The following NTM variants were observed in gnomAD, a reference collection of about 807,000 sequenced individuals.
NTM encodes IgLON family member 2.
A neutral mutation model predicts 42.1 loss-of-function variants in NTM; 13 were observed. That is an observed-to-expected ratio of 0.31 (90% confidence interval 0.20 to 0.49). The LOEUF (loss-of-function observed/expected upper bound fraction) is 0.49. Ranked by LOEUF, NTM falls within the 20% of genes least tolerant of loss-of-function variation. NTM has a pLI of 0.99. For synonymous variants in NTM, 187 were observed against 179.2 expected (o/e 1.04, Z -0.35); for missense variants, 373 against 452.8 (o/e 0.82, Z 1.60).
chr11:132,093,922 C>T (rs10750495), intron 2 of NTM, among the ~76,000 whole-genome samples: 1 of 152,090 alleles, frequency 6.6e-6, no homozygotes. Context: ...CAATTAAATC[C>T]GGTAGTTTCC....
intron 1 of NTM, among the ~76,000 whole-genome samples, chr11:131,772,761 T>C (rs914578158): frequency 1.3e-5 from 2 of 152,212 alleles, no homozygotes; most frequent in South Asian, 2.1e-4. Flanking sequence ...TGCTTTAAGA[T>C]GTTAAATTGG....
chr11:132,237,551 GT>G (rs2089263168), intron 4 of NTM, among the ~76,000 whole-genome samples: 1 of 152,150 alleles, frequency 6.6e-6, no homozygotes, highest in African/African-American at 2.4e-5. Flanking sequence ...TTTTCAGCCC[GT>G]TTGTGGACAT....
chr11:131,520,139 A>G (rs1405647891), intron 1 of NTM, among the ~76,000 whole-genome samples: 1 of 152,246 alleles, frequency 6.6e-6, no homozygotes, highest in Non-Finnish European at 1.5e-5. Flanking sequence ...TCCAGATAAT[A>G]AAACATCACA....
At chr11:132,015,486 ATGGTGGT>A (rs1404524183) in intron 2 of NTM, among the ~76,000 whole-genome samples, 1 of 151,718 alleles carries the variant, frequency 6.6e-6, no homozygotes, top group Non-Finnish European at 1.5e-5. Flanking sequence ...TTTGGGTAGT[ATGGTGGT>A]TTTAACAGTT....
chr11:131,430,420 C>T (rs930112624), intron 1 of NTM, among the ~76,000 whole-genome samples: 2 of 152,092 alleles, frequency 1.3e-5, no homozygotes, highest in African/African-American at 4.8e-5. Context: ...GCTGTGATGG[C>T]CACACATCTG....
At chr11:131,657,573 A>G (rs978441117) in intron 1 of NTM, among the ~76,000 whole-genome samples, 1 of 152,160 alleles carries the variant, frequency 6.6e-6, no homozygotes, top group East Asian at 1.9e-4. Flanking sequence ...AGAACACCCC[A>G]TGCCTACCTC....
chr11:132,034,033 G>A (rs1414862426), intron 2 of NTM, among the ~76,000 whole-genome samples: 1 of 152,072 alleles, frequency 6.6e-6, no homozygotes, highest in Non-Finnish European at 1.5e-5. Context: ...CCTTAAGATG[G>A]TCTTATAGTT....
intron 1 of NTM, among the ~76,000 whole-genome samples, chr11:131,863,715 A>T (rs1277334503): frequency 6.6e-6 from 1 of 152,200 alleles, no homozygotes; most frequent in Non-Finnish European, 1.5e-5. Context: ...GCACAGACTC[A>T]GGTCCCTCCC....
chr11:131,971,446 T>C (rs1219081590), intron 2 of NTM, among the ~76,000 whole-genome samples: 2 of 152,206 alleles, frequency 1.3e-5, no homozygotes, highest in African/African-American at 2.4e-5. Context: ...ATGCTTGGTA[T>C]ATTCAAGATG....
rs2070074801 is a variant in NTM, at chr11:132,003,945, G to C, written c.167+92297G>C. 6.6e-6 allele frequency among the ~76,000 whole-genome samples: 1 copy of C among 152,190 alleles called. No homozygotes were observed. The highest frequency in any genetic ancestry group is 1.5e-5 in the Non-Finnish European group (1 of 68,028). The stretch of plus-strand genomic sequence containing the variant: ...GATGGCCCAGAGCCCCATCCTCATT[G>C]TTCAGGTTTCATCGTCTCCTTAATC... On this transcript the variant is annotated intron_variant, in intron 2 of 8. Coordinates refer to ENST00000683400, the MANE Select transcript of NTM (RefSeq NM_001352005.2). The surrounding 1 kb of genome is among the most constrained non-coding windows in gnomAD (Gnocchi z 6.0).
At chr11:132,194,122 C>T (rs1388581270) in intron 3 of NTM, among the ~76,000 whole-genome samples, 1 of 127,528 alleles carries the variant, frequency 7.8e-6, no homozygotes, top group Admixed American at 8.2e-5. Flanking sequence ...ATGAAGCCAG[C>T]ATTATAAAGA....
chr11:131,468,538 T>G (rs1952113901), intron 1 of NTM, among the ~76,000 whole-genome samples: 1 of 152,254 alleles, frequency 6.6e-6, no homozygotes, highest in South Asian at 2.1e-4. Context: ...TGCTTTGGTT[T>G]TTTTGTGAGT....
intron 6 of NTM, among the ~76,000 whole-genome samples, chr11:132,310,599 G>GAGTT (rs1419384443): frequency 6.6e-6 from 1 of 152,112 alleles, no homozygotes; most frequent in African/African-American, 2.4e-5. Flanking sequence ...TTGCGTAAAG[G>GAGTT]AGTTAGGAAG....
intron 7 of NTM, among the ~76,000 whole-genome samples, chr11:132,320,273 T>C (rs2095530797): frequency 6.6e-6 from 1 of 152,164 alleles, no homozygotes; most frequent in African/African-American, 2.4e-5. Flanking sequence ...ACTGGGTTCA[T>C]CTCATTAAGG....
intron 4 of NTM, among the ~76,000 whole-genome samples, chr11:132,280,475 CTTTTTTTTTTTTT>C (rs138697534): frequency 2.1e-4 from 17 of 82,426 alleles, no homozygotes; most frequent in African/African-American, 2.6e-4. Context: ...ATACTCTCTT[CTTTTTTTTTTTTT>C]TTTTTTTTTT....
intron 2 of NTM, among the ~76,000 whole-genome samples, chr11:131,913,504 C>G (rs532469929): frequency 6.6e-6 from 1 of 152,176 alleles, no homozygotes; most frequent in African/African-American, 2.4e-5. Context: ...TCAGCAGAGG[C>G]TGAATCACGG....
At chr11:132,049,849 G>A (rs2078603773) in intron 2 of NTM, among the ~76,000 whole-genome samples, 1 of 152,178 alleles carries the variant, frequency 6.6e-6, no homozygotes, top group African/African-American at 2.4e-5. Flanking sequence ...CTGATTTGAT[G>A]GAGGAGGAGC....
chr11:131,595,826 C>T lies in NTM; in HGVS notation c.82+224938C>T, dbSNP rs367726033. Among the ~76,000 whole-genome samples the T allele has an allele frequency of 4.0e-4, 61 of 152,342 alleles. 1 individual carries two copies. The highest frequency in any genetic ancestry group is 1.4e-3 in the African/African-American group (60 of 41,580). On this transcript the variant is annotated intron_variant, in intron 1 of 8. Coordinates refer to ENST00000683400, the MANE Select transcript of NTM (RefSeq NM_001352005.2). ...AGACCTCAAAAGCAAACCTTAAATA[C>T]TTCAGAGCAGATTCAGGGACAGCTA...
At chr11:131,583,747 C>A (rs746361410) in intron 1 of NTM, among the ~76,000 whole-genome samples, 1 of 152,138 alleles carries the variant, frequency 6.6e-6, no homozygotes, top group Non-Finnish European at 1.5e-5. Flanking sequence ...TTAATCCCTG[C>A]GAATGGACTA....
Sources: allele counts gnomAD v4.1 joint callset (sites outside exome capture counted in the v4.1 genomes callset), GRCh38; gene constraint gnomAD v4.1.1; non-coding constraint Gnocchi (gnomAD v3.1); transcripts MANE v1.5; gene names NCBI Gene and HGNC (gene_info 2026-07-23, HGNC 2026-07-21).